Variants in ROBO1 observed in about 807,000 individuals in gnomAD.
The protein encoded by ROBO1 is roundabout guidance receptor 1, also known as roundabout homolog 1.
ROBO1 carries 149 observed loss-of-function variants against 195.9 expected under a neutral mutation model. The ratio of observed to expected loss-of-function variants is 0.76; its 90% confidence interval spans 0.67 to 0.87. The LOEUF (loss-of-function observed/expected upper bound fraction) is 0.87. Among genes scored for constraint, ROBO1 ranks in the 40% least tolerant of loss-of-function variants. ROBO1 has a pLI of 0.00. For synonymous variants in ROBO1, 816 were observed against 733.2 expected, an observed-to-expected ratio of 1.11 and a Z score of -1.82; for missense variants, 1,933 against 2,068.3, an observed-to-expected ratio of 0.93 and a Z score of 1.27.
intron 4 of ROBO1, among the ~76,000 whole-genome samples, chr3:78,809,373 C>T (rs1179802450): frequency 3.9e-5 from 6 of 152,104 alleles, no homozygotes; most frequent in South Asian, 2.1e-4. Context: ...GAAATAGGAA[C>T]GCTTTTACAC....
intron 2 of ROBO1, among the ~76,000 whole-genome samples, chr3:79,374,668 C>A (rs1267185713): frequency 6.6e-6 from 1 of 152,076 alleles, no homozygotes; most frequent in Non-Finnish European, 1.5e-5. Context: ...CAAGCATTGA[C>A]CACATGTAAA....
chr3:79,105,885 T>C (rs1371318481), intron 3 of ROBO1, among the ~76,000 whole-genome samples: 1 of 151,712 alleles, frequency 6.6e-6, no homozygotes, highest in Admixed American at 6.6e-5. Context: ...TTGGGAAATA[T>C]TTATTTTTGT....
chr3:79,476,677 T>C (rs549022750), intron 2 of ROBO1, among the ~76,000 whole-genome samples: 1 of 152,084 alleles, frequency 6.6e-6, no homozygotes, highest in African/African-American at 2.4e-5. Flanking sequence ...AAATCAAACA[T>C]CATTTGTTCT....
rs188624913 is a variant in ROBO1 at position 79,664,030 on chromosome 3, T to C, written c.-50-74069A>G. Reference sequence around the variant, plus strand: ...TAAACTTTTAATATACAATTCTGAATTACTTTTCTGTGTCTACAGTAAGTT... The same window carrying C: ...TAAACTTTTAATATACAATTCTGAACTACTTTTCTGTGTCTACAGTAAGTT... On this transcript the variant is annotated intron_variant, in intron 1 of 30. Transcript: ENST00000464233. 4.6e-5 allele frequency among the ~76,000 whole-genome samples: 7 copies of C among 152,232 alleles called. 1 individual carries two copies. Among genetic ancestry groups the C allele is most frequent in the Admixed American group, 1.3e-4 (2 of 15,262 alleles).
Position 78,671,713 on chromosome 3 carries a change from A to G in ROBO1, c.1343-1412T>C, listed in dbSNP as rs1708075765. On this transcript the variant is annotated intron_variant, in intron 10 of 30. Coordinates refer to ENST00000464233, the MANE Select transcript of ROBO1 (RefSeq NM_002941.4). ...CTTGGTTACCAGGGTGAAATTTGCA[A>G]TATCAAGGGGTGAATTAGAAGGCTA... is the stretch of plus-strand genomic sequence containing the variant. 2.0e-5 allele frequency among the ~76,000 whole-genome samples: 3 copies of G among 152,244 alleles called. No homozygotes were observed. The South Asian group carries it at 6.2e-4, about 32-fold the overall frequency.
At chr3:79,517,944 T>C (rs1228499228) in intron 2 of ROBO1, among the ~76,000 whole-genome samples, 2 of 152,158 alleles carry the variant, frequency 1.3e-5, no homozygotes, top group African/African-American at 4.8e-5. Flanking sequence ...AATCTGGTAT[T>C]ATACTGACAT....
chr3:79,512,410 G>T (rs1024053074), intron 2 of ROBO1, among the ~76,000 whole-genome samples: 13 of 151,948 alleles, frequency 8.6e-5, no homozygotes, highest in African/African-American at 1.5e-4. Context: ...ATTTATTTTG[G>T]TTTACAATTT....
At chr3:78,616,260 G>A (rs992716721) in intron 27 of ROBO1, among the ~76,000 whole-genome samples, 1 of 151,848 alleles carries the variant, frequency 6.6e-6, no homozygotes, top group African/African-American at 2.4e-5. Flanking sequence ...TTTTACAGAA[G>A]GTTAAAAAAT....
At chr3:79,351,490 T>A in intron 2 of ROBO1, among the ~76,000 whole-genome samples, 1 of 152,188 alleles carries the variant, frequency 6.6e-6, no homozygotes, top group African/African-American at 2.4e-5. Context: ...TTTTTGTTTG[T>A]TTATTTTTAA....
intron 2 of ROBO1, among the ~76,000 whole-genome samples, chr3:79,404,129 C>A (rs2037461023): frequency 1.3e-5 from 2 of 152,126 alleles, no homozygotes; most frequent in South Asian, 4.1e-4. Context: ...ATGTGTATGA[C>A]AGCTGAGTTC....
intron 26 of ROBO1, among the ~76,000 whole-genome samples, chr3:78,624,896 T>C (rs1353496797): frequency 6.6e-6 from 1 of 152,044 alleles, no homozygotes; most frequent in Non-Finnish European, 1.5e-5. Context: ...GAAAAGAGCA[T>C]GTAGAAGACC....
At chr3:78,789,260 T>C (rs780267537) in intron 4 of ROBO1, among the ~76,000 whole-genome samples, 3 of 152,048 alleles carry the variant, frequency 2.0e-5, no homozygotes, top group Non-Finnish European at 2.9e-5. Context: ...AAGAGAAAGA[T>C]TAAAGCTAAG....
At chr3:79,624,110 G>A (rs7615834) in intron 1 of ROBO1, among the ~76,000 whole-genome samples, 45,243 of 151,892 alleles carry the variant, frequency 0.3, 8,405 homozygotes, top group African/African-American at 0.53. Context: ...CTTGATAAGC[G>A]AAGGAGAAAT....
chr3:79,643,169 T>C lies in ROBO1; in HGVS notation c.-50-53208A>G, dbSNP rs372781873. 5.9e-5 allele frequency among the ~76,000 whole-genome samples: 9 copies of C among 152,182 alleles called. No individual in the cohort carries two copies. In the South Asian group the frequency reaches 1.4e-3, roughly 25 times the overall value. On this transcript the variant is annotated intron_variant, in intron 1 of 30. Transcript: ENST00000464233. The stretch of plus-strand genomic sequence containing the variant: ...GCTTTCATCTTTTTCTCATATGGGA[T>C]GCTTCCTGCCCTCCAACATTGGACT...
At position 79,181,912 on chromosome 3, in the gene ROBO1, C is replaced by T. The variant is rs1419076868; in HGVS notation, c.89-56373G>A. Among the ~76,000 whole-genome samples, 4 of 130,376 alleles carry T rather than the reference C, an allele frequency of 3.1e-5. No individual in the cohort carries two copies. The South Asian group carries it at 7.1e-4, about 23-fold the overall frequency. 85.5% of individuals were successfully genotyped at this position (130,376 alleles called of 152,430 possible). A position where few individuals can be genotyped will look rare whatever the true frequency, so the allele number is the denominator to read the frequency against. ...ATGCATTCCAATCTGGGAGAAAGAG[C>T]GAGATCTTGTGCCAAAAAAAAAAAA... On this transcript the variant is annotated intron_variant, in intron 2 of 30. Coordinates refer to ENST00000464233, the MANE Select transcript of ROBO1 (RefSeq NM_002941.4).
chr3:79,136,501 T>C lies in ROBO1; in HGVS notation c.89-10962A>G, dbSNP rs1336957682. Among the ~76,000 whole-genome samples, 5 of 152,272 alleles carry C rather than the reference T, an allele frequency of 3.3e-5. No homozygotes were observed. In the East Asian group the frequency reaches 9.6e-4, roughly 29 times the overall value. On this transcript the variant is annotated intron_variant, in intron 2 of 30. Coordinates refer to ENST00000464233, the MANE Select transcript of ROBO1 (RefSeq NM_002941.4). ...GCAAATGAATATAAACTACTATCAA[T>C]ATGAGAATTGTGTTCTACAAATTGG...
intron 2 of ROBO1, among the ~76,000 whole-genome samples, chr3:79,441,498 G>T (rs1001626916): frequency 6.6e-6 from 1 of 152,094 alleles, no homozygotes; most frequent in Non-Finnish European, 1.5e-5. Context: ...GTCTTTTGGT[G>T]ATTATGTTCC....
intron 3 of ROBO1, among the ~76,000 whole-genome samples, chr3:78,956,195 C>T (rs1206920063): frequency 6.6e-6 from 1 of 151,996 alleles, no homozygotes; most frequent in Non-Finnish European, 1.5e-5. Context: ...TCTTTATTTT[C>T]TAAAGGGGTA....
At chr3:78,644,690 T>C (rs2660739) in intron 21 of ROBO1, among the ~76,000 whole-genome samples, 131,149 of 152,158 alleles carry the variant, frequency 0.86, 57,435 homozygotes, top group Non-Finnish European at 0.93. Flanking sequence ...CAACTAGCAT[T>C]TGCTACCTAT....
Sources: allele counts gnomAD v4.1 joint callset (sites outside exome capture counted in the v4.1 genomes callset), GRCh38; gene constraint gnomAD v4.1.1; transcripts MANE v1.5; gene names NCBI Gene and HGNC (gene_info 2026-07-23, HGNC 2026-07-21).